Variants in CCNJL observed in about 807,000 individuals in gnomAD.
The protein encoded by CCNJL is cyclin J like.
Under a neutral mutation model 33.4 loss-of-function variants are expected in CCNJL, and 33 were observed. The observed-to-expected ratio is 0.99, with a 90% confidence interval of 0.75 to 1.32. The LOEUF (loss-of-function observed/expected upper bound fraction) is 1.32, where lower values mean the gene tolerates loss of function less well. CCNJL is among the 40% of genes most tolerant of loss of function. The pLI, the probability that CCNJL is intolerant of heterozygous loss-of-function variation, is 0.00. For missense variants in CCNJL, 512 were observed against 499.7 expected (o/e 1.02, Z -0.23); for synonymous variants, 227 against 220.9 (o/e 1.03, Z -0.24).
intron 3 of CCNJL, among the ~76,000 whole-genome samples, chr5:160,264,195 G>T (rs948581546): frequency 6.6e-6 from 1 of 152,104 alleles, no homozygotes; most frequent in South Asian, 2.1e-4. Context: ...CAAGTGTTGG[G>T]ATTACAGGCA....
At chr5:160,312,687 C>G (rs967306064), upstream of CCNJL, 2 of 151,932 alleles carry the variant, frequency 1.3e-5, no homozygotes, top group African/African-American at 4.8e-5. Context: ...TTTGCCAGCT[C>G]TGGCTCCGCT....
At chr5:160,332,847 T>A (rs1012629654) in intron 1 of CCNJL, among the ~76,000 whole-genome samples, 10 of 152,168 alleles carry the variant, frequency 6.6e-5, no homozygotes, top group Non-Finnish European at 1.5e-4. Flanking sequence ...GCTTTTAAAA[T>A]CTTGTTTACT....
At chr5:160,279,781 G>A (rs1175560873) in intron 3 of CCNJL, among the ~76,000 whole-genome samples, 1 of 152,226 alleles carries the variant, frequency 6.6e-6, no homozygotes, top group African/African-American at 2.4e-5. Context: ...AAGGCACAGG[G>A]CAAAGAGGCA....
intron 1 of CCNJL, chr5:160,327,046 C>A: frequency 2.5e-6 from 1 of 395,072 alleles, no homozygotes; most frequent in Non-Finnish European, 4.9e-6. Context: ...CCAATATGAA[C>A]ATTTATTCGT....
At chr5:160,324,742 G>A (rs1475445516) in intron 1 of CCNJL, among the ~76,000 whole-genome samples, 3 of 152,162 alleles carry the variant, frequency 2.0e-5, no homozygotes, top group Non-Finnish European at 4.4e-5. Flanking sequence ...CAAGACTGGT[G>A]TTTTCTGAAT....
In CCNJL at chr5:160,252,708, C is replaced by T. The variant is rs1414094012; in HGVS notation, c.*670G>A. Reference sequence around the variant, plus strand: ...TCTCCAAAGGAATTTTCAAGTATCACCAAATCCCTGATACAGTGTGTAAAC... The same window carrying T: ...TCTCCAAAGGAATTTTCAAGTATCATCAAATCCCTGATACAGTGTGTAAAC... On this transcript the variant is annotated 3_prime_UTR_variant, in exon 6 of 6. Transcript: ENST00000257536. 1.3e-5 allele frequency: 2 copies of T among 152,640 alleles called. No homozygotes were observed. 9.5% of individuals were successfully genotyped at this position (152,640 alleles called of 1,614,324 possible). A position where few individuals can be genotyped will look rare whatever the true frequency, so the allele number is the denominator to read the frequency against.
At chr5:160,285,119 G>C (rs1003154339) in intron 2 of CCNJL, among the ~76,000 whole-genome samples, 1 of 152,096 alleles carries the variant, frequency 6.6e-6, no homozygotes, top group Non-Finnish European at 1.5e-5. Flanking sequence ...GAACCTGGTA[G>C]GTGGAGGTTG....
chr5:160,335,052 C>T, intron 1 of CCNJL, among the ~76,000 whole-genome samples: 1 of 152,220 alleles, frequency 6.6e-6, no homozygotes, highest in East Asian at 1.9e-4. Flanking sequence ...CACTTGAGGT[C>T]AGAAGTTTGA....
At chr5:160,265,866 A>G (rs1761561596) in intron 3 of CCNJL, among the ~76,000 whole-genome samples, 1 of 150,336 alleles carries the variant, frequency 6.7e-6, no homozygotes, top group Non-Finnish European at 1.5e-5. Flanking sequence ...GGGAAAAAAA[A>G]AAAAAAAAAA....
At chr5:160,306,910 G>T (rs1054730175) in intron 2 of CCNJL, among the ~76,000 whole-genome samples, 2 of 152,212 alleles carry the variant, frequency 1.3e-5, no homozygotes, top group African/African-American at 2.4e-5. Context: ...GCCCTTGCAG[G>T]TAATTGCTTT....
rs200091163 is a variant in CCNJL, at chr5:160,265,858, G to GA, written c.281-6088dup. 4.3e-3 allele frequency among the ~76,000 whole-genome samples: 422 copies of GA among 97,052 alleles called. 1 individual carries two copies. Among genetic ancestry groups the GA allele is most frequent in the Middle Eastern group, 7.0e-3 (1 of 142 alleles). The allele number at this position is 97,052 out of a possible 152,430, so 63.7% of individuals were successfully genotyped here. ...ACAGAGCGAGACTCCGTCTCCAGGGGAAAAAAAAAAAAAAAAAAGAAAAAA... is the reference window on the plus strand; with the variant it reads ...ACAGAGCGAGACTCCGTCTCCAGGGGAAAAAAAAAAAAAAAAAAAGAAAAAA... On this transcript the variant is annotated intron_variant, in intron 3 of 5. Coordinates refer to ENST00000257536, the MANE Select transcript of CCNJL (RefSeq NM_001308173.3).
chr5:160,283,287 G>C (rs1324855559), intron 2 of CCNJL, among the ~76,000 whole-genome samples: 1 of 151,978 alleles, frequency 6.6e-6, no homozygotes, highest in African/African-American at 2.4e-5. Flanking sequence ...GAAATGTCCA[G>C]AATAGGCAAA....
chr5:160,321,663 C>T (rs1303339930), intron 1 of CCNJL, among the ~76,000 whole-genome samples: 6 of 152,104 alleles, frequency 3.9e-5, no homozygotes, highest in Non-Finnish European at 5.9e-5. Context: ...AGATCCTGGC[C>T]GGGCGCGGTG....
intron 4 of CCNJL, chr5:160,258,395 T>C: frequency 1.2e-6 from 1 of 818,084 alleles, no homozygotes; most frequent in Non-Finnish European, 2.2e-6. Context: ...AAAGAAGCCA[T>C]AAGAAGGCTT....
At chr5:160,268,835 G>A (rs754715932) in intron 3 of CCNJL, among the ~76,000 whole-genome samples, 3 of 152,208 alleles carry the variant, frequency 2.0e-5, no homozygotes, top group African/African-American at 7.2e-5. Context: ...GTGTGAAGGT[G>A]GATCTGGGTA....
rs897447726 is a variant in CCNJL at position 160,253,184 on chromosome 5, G to A, written c.*194C>T. The A allele has an allele frequency of 6.2e-5, 31 of 498,284 alleles. No individual in the cohort carries two copies. Among genetic ancestry groups the A allele is most frequent in the African/African-American group, 5.4e-4 (28 of 51,522 alleles). 30.9% of individuals were successfully genotyped at this position (498,284 alleles called of 1,614,324 possible). ...CACACGTGGCAGACGTTTCTCAGAG[G>A]AATGCTCTCGGGTGAGGTATGTTAT... On this transcript the variant is annotated 3_prime_UTR_variant, in exon 6 of 6. Coordinates refer to ENST00000257536, the MANE Select transcript of CCNJL (RefSeq NM_001308173.3).
chr5:160,338,942 C>T (rs533027792), intron 1 of CCNJL, among the ~76,000 whole-genome samples: 155 of 152,228 alleles, frequency 1.0e-3, no homozygotes, highest in African/African-American at 3.5e-3. Context: ...AGGCACCTGC[C>T]ACCATGCCCG....
chr5:160,329,428 G>T (rs1324245816), intron 1 of CCNJL, among the ~76,000 whole-genome samples: 1 of 148,644 alleles, frequency 6.7e-6, no homozygotes, highest in Non-Finnish European at 1.5e-5. Context: ...TCGGCTCACT[G>T]CAAGCTCCAC....
At chr5:160,315,437 G>T (rs1225992677), upstream of CCNJL, 1 of 449,268 alleles carries the variant, frequency 2.2e-6, no homozygotes, top group Non-Finnish European at 4.5e-6. Context: ...AGCACCAAAG[G>T]TTGAGGCAGC....
Sources: allele counts gnomAD v4.1 joint callset (sites outside exome capture counted in the v4.1 genomes callset), GRCh38; gene constraint gnomAD v4.1.1; transcripts MANE v1.5; gene names NCBI Gene and HGNC (gene_info 2026-07-23, HGNC 2026-07-21).